The following PHF21A variants were observed in gnomAD, a reference collection of about 807,000 sequenced individuals.
The protein encoded by PHF21A is PHD finger protein 21A, also known as BHC80a.
In PHF21A, 11 loss-of-function variants were observed where a neutral mutation model predicts 82.5. The observed-to-expected ratio is 0.13, with a 90% CI of 0.08 to 0.22. The LOEUF is 0.22. Among genes scored for constraint, PHF21A ranks in the 10% least tolerant of loss-of-function variants. The pLI, the probability that PHF21A is intolerant of heterozygous loss-of-function variation, is 1.00. For synonymous variants in PHF21A, 297 were observed against 302.8 expected (o/e 0.98, Z 0.20); for missense variants, 579 against 837.8 (o/e 0.69, Z 3.81).
At chr11:46,063,819 C>G (rs2096563850) in intron 6 of PHF21A, among the ~76,000 whole-genome samples, 1 of 61,052 alleles carries the variant, frequency 1.6e-5, no homozygotes, top group Non-Finnish European at 7.4e-5. Context: ...CCTGCAAATA[C>G]TGTTTCATCT....
chr11:46,046,483 G>A (rs538486481), intron 6 of PHF21A, among the ~76,000 whole-genome samples: 28 of 152,272 alleles, frequency 1.8e-4, no homozygotes, highest in African/African-American at 6.0e-4. Flanking sequence ...TCGTCATACA[G>A]GGCAAGAGAA....
chr11:45,988,514 A>G (rs1192516315), intron 6 of PHF21A, among the ~76,000 whole-genome samples: 1 of 152,242 alleles, frequency 6.6e-6, no homozygotes, highest in African/African-American at 2.4e-5. Context: ...TACATTCTTA[A>G]TATCACACTC....
At chr11:46,089,768 G>A (rs1034969213) in intron 3 of PHF21A, among the ~76,000 whole-genome samples, 6 of 130,164 alleles carry the variant, frequency 4.6e-5, no homozygotes, top group Non-Finnish European at 7.8e-5. Context: ...ATGTATGTGA[G>A]TATAAAATAT....
chr11:45,969,933 G>A (rs758845364), intron 8 of PHF21A, 29 bp from the exon 9 acceptor site: 1 of 1,431,594 alleles, frequency 7.0e-7, no homozygotes, highest in South Asian at 1.2e-5. Flanking sequence ...AAATAAACCA[G>A]AGAGAACAAT....
At chr11:46,031,840 C>T (rs943266884) in intron 6 of PHF21A, among the ~76,000 whole-genome samples, 6 of 152,284 alleles carry the variant, frequency 3.9e-5, no homozygotes, top group South Asian at 2.1e-4. Flanking sequence ...GTGACATTCA[C>T]TCAAGAGACT....
chr11:46,036,902 G>C (rs1379065936), intron 6 of PHF21A, among the ~76,000 whole-genome samples: 2 of 152,038 alleles, frequency 1.3e-5, no homozygotes, highest in African/African-American at 4.8e-5. Context: ...TAGAGATGAG[G>C]GTCTTGTTAT....
intron 15 of PHF21A, among the ~76,000 whole-genome samples, chr11:45,944,163 G>C (rs762530779): frequency 6.6e-6 from 1 of 152,204 alleles, no homozygotes; most frequent in Non-Finnish European, 1.5e-5. Flanking sequence ...ATTTTATATA[G>C]TAATATTTTA....
Position 45,933,853 on chromosome 11 carries a change from CA to C in PHF21A, c.*114del. On this transcript the variant is annotated 3_prime_UTR_variant, in exon 19 of 19. Transcript: ENST00000676320. ...CAAGCATCTTCTCTCTCTCTGGAAC[CA>C]AAGAACCAAAAGAATTCTGCACTTT... The C allele has an allele frequency of 9.2e-7, 1 of 1,081,164 alleles. No individual in the cohort carries two copies. The allele number at this position is 1,081,164 out of a possible 1,614,324, so 67.0% of individuals were successfully genotyped here. A position where few individuals can be genotyped will look rare whatever the true frequency, so the allele number is the denominator to read the frequency against.
At chr11:45,958,396 C>CAAA (rs1159762183) in intron 10 of PHF21A, among the ~76,000 whole-genome samples, 2 of 1,066 alleles carry the variant, frequency 1.9e-3, no homozygotes, top group African/African-American at 3.0e-3. Flanking sequence ...AACCTGGTCT[C>CAAA]AAAAAAAAAA....
In PHF21A at chr11:45,933,775, A is replaced by G. The variant is rs1471172415; in HGVS notation, c.*193T>C. On this transcript the variant is annotated 3_prime_UTR_variant, in exon 19 of 19. Transcript: ENST00000676320. ...TCATGTAACATGGTCCAATCTTTGCATGTACACACAGAATAAGAAGGATCA... is the reference window on the plus strand; with the variant it reads ...TCATGTAACATGGTCCAATCTTTGCGTGTACACACAGAATAAGAAGGATCA... The G allele has an allele frequency of 2.1e-6, 1 of 474,042 alleles. No individual in the cohort carries two copies. Among genetic ancestry groups the G allele is most frequent in the Non-Finnish European group, 3.7e-6 (1 of 273,718 alleles). The allele number at this position is 474,042 out of a possible 1,614,324, so 29.4% of individuals were successfully genotyped here. A position where few individuals can be genotyped will look rare whatever the true frequency, so the allele number is the denominator to read the frequency against.
At chr11:46,063,754 ATT>A (rs2139585888) in intron 6 of PHF21A, among the ~76,000 whole-genome samples, 1 of 152,320 alleles carries the variant, frequency 6.6e-6, no homozygotes, top group East Asian at 1.9e-4. Context: ...GTTATATATA[ATT>A]TTATCAGCTA....
intron 1 of PHF21A, among the ~76,000 whole-genome samples, chr11:46,093,789 C>T (rs1465058666): frequency 6.6e-6 from 1 of 152,176 alleles, no homozygotes; most frequent in Non-Finnish European, 1.5e-5. Flanking sequence ...TTAGGGCTTT[C>T]ATGTTAGCTC....
chr11:46,041,994 G>A (rs541709475), intron 6 of PHF21A, among the ~76,000 whole-genome samples: 50 of 152,064 alleles, frequency 3.3e-4, no homozygotes, highest in Admixed American at 7.9e-4. Flanking sequence ...AATCCTGTAT[G>A]TCTGTTTAAG....
chr11:46,094,849 G>A lies in PHF21A; in HGVS notation c.-236-2626C>T, dbSNP rs59789351. Among the ~76,000 whole-genome samples, 1,074 of 152,282 alleles carry A rather than the reference G, an allele frequency of 7.1e-3. 9 individuals carry two copies. The highest frequency in any genetic ancestry group is 0.025 in the African/African-American group (1,021 of 41,548). On this transcript the variant is annotated intron_variant, in intron 1 of 18. Coordinates refer to ENST00000676320, the MANE Select transcript of PHF21A (RefSeq NM_001352027.3). ...CGGGAGGCAGAGACTGCAGTGAACT[G>A]AGATCGCGCCACTACACTCCAGCCT... is the stretch of plus-strand genomic sequence containing the variant.
At chr11:46,077,910 A>G (rs138766919) in intron 5 of PHF21A, among the ~76,000 whole-genome samples, 2 of 152,166 alleles carry the variant, frequency 1.3e-5, no homozygotes, top group African/African-American at 4.8e-5. Flanking sequence ...AATCTAATTT[A>G]TTATTTATTT....
chr11:46,014,395 C>G (rs1324168919), intron 6 of PHF21A, among the ~76,000 whole-genome samples: 1 of 152,132 alleles, frequency 6.6e-6, no homozygotes, highest in African/African-American at 2.4e-5. Flanking sequence ...ACCACATTTT[C>G]TTTATCCAAT....
intron 6 of PHF21A, among the ~76,000 whole-genome samples, chr11:46,069,257 G>A (rs142411689): frequency 1.8e-4 from 27 of 152,314 alleles, no homozygotes; most frequent in African/African-American, 6.3e-4. Flanking sequence ...AGGAGCTGAT[G>A]TCCTCTGATG....
chr11:46,009,576 C>T (rs891416954), intron 6 of PHF21A, among the ~76,000 whole-genome samples: 1 of 152,190 alleles, frequency 6.6e-6, no homozygotes, highest in Admixed American at 6.5e-5. Flanking sequence ...ATAATTTAAT[C>T]TTCAAAGCAA....
chr11:45,955,524 C>T (rs1482399475), intron 10 of PHF21A, among the ~76,000 whole-genome samples: 2 of 152,124 alleles, frequency 1.3e-5, no homozygotes, highest in Non-Finnish European at 2.9e-5. Flanking sequence ...CTTGGAGTCT[C>T]TTACTTCCAT....
Sources: allele counts gnomAD v4.1 joint callset (sites outside exome capture counted in the v4.1 genomes callset), GRCh38; gene constraint gnomAD v4.1.1; transcripts MANE v1.5; gene names NCBI Gene and HGNC (gene_info 2026-07-23, HGNC 2026-07-21).